Variants in INPP5F observed in about 807,000 individuals in gnomAD.
The protein encoded by INPP5F is inositol polyphosphate-5-phosphatase F, also known as phosphatidylinositide 4-phosphatase SAC2.
INPP5F carries 97 observed loss-of-function variants against 137.2 expected under a neutral mutation model. That is an observed-to-expected ratio of 0.71 (90% confidence interval 0.60 to 0.84). The LOEUF (loss-of-function observed/expected upper bound fraction) is 0.84. INPP5F is among the 40% of genes least tolerant of loss of function. The pLI is 0.00. For synonymous variants in INPP5F, 504 were observed against 476.9 expected, an observed-to-expected ratio of 1.06 and a Z score of -0.74; for missense variants, 1,271 against 1,371.9, an observed-to-expected ratio of 0.93 and a Z score of 1.16.
At chr10:119,806,651 C>T (rs1334486259) in intron 12 of INPP5F, among the ~76,000 whole-genome samples, 171 bp downstream of exon 12, 1 of 152,106 alleles carries the variant, frequency 6.6e-6, no homozygotes, top group Non-Finnish European at 1.5e-5. Context: ...CACTGAAAAT[C>T]AGTTAAATAA....
chr10:119,786,885 G>A (rs945448616), intron 3 of INPP5F, among the ~76,000 whole-genome samples: 2 of 151,940 alleles, frequency 1.3e-5, no homozygotes, highest in Non-Finnish European at 2.9e-5. Context: ...TCCAGTGAAG[G>A]TGTTTCCATG....
chr10:119,794,961 C>T (rs1450822490), intron 6 of INPP5F, among the ~76,000 whole-genome samples: 1 of 136,452 alleles, frequency 7.3e-6, no homozygotes, highest in African/African-American at 2.7e-5. Flanking sequence ...TCCTCACTTC[C>T]CAGTAGGGGT....
At chr10:119,747,285 A>G (rs1037555819) in intron 1 of INPP5F, among the ~76,000 whole-genome samples, 1 of 151,744 alleles carries the variant, frequency 6.6e-6, no homozygotes, top group Non-Finnish European at 1.5e-5. Flanking sequence ...GTGCAGTGGT[A>G]TGATCTCAGT....
chr10:119,822,296 T>G (rs1851599199), intron 16 of INPP5F, 135 bp from the exon 17 acceptor site: 2 of 496,740 alleles, frequency 4.0e-6, no homozygotes, highest in Non-Finnish European at 7.3e-6. Flanking sequence ...ATGTTTAACA[T>G]TTTACCCCAG....
At chr10:119,804,446 T>G in intron 10 of INPP5F, 149 bp downstream of exon 10, 2 of 690,074 alleles carry the variant, frequency 2.9e-6, no homozygotes, top group Middle Eastern at 2.6e-4. Context: ...TACTTTGTTT[T>G]AATTTTCATG....
In INPP5F at chr10:119,792,016, G is replaced by C; in HGVS notation, c.592G>C (p.Gly198Arg). The change falls in exon 5 of 20, where the codon GGT becomes CGT. Residue 198 changes from glycine to arginine, a missense_variant. Gly to Arg is a moderately radical substitution (Grantham distance 125). This residue lies in a region of INPP5F where 593 missense variants were observed against 712.4 expected (regional missense o/e 0.83). Transcript: ENST00000650623. ...GAGGCAGAGCACTGGGGAGAGGGAC[G>C]GTCGGCCCCTCTGGCAGAAGGTACC... ...VQRQSTGERD[G>R]RPLWQKVDDR... 2 of 1,614,200 alleles carry C rather than the reference G, an allele frequency of 1.2e-6. No homozygotes were observed. Among genetic ancestry groups the C allele is most frequent in the Non-Finnish European group, 1.7e-6 (2 of 1,180,040 alleles).
intron 2 of INPP5F, among the ~76,000 whole-genome samples, chr10:119,772,808 A>G (rs953222973): frequency 1.3e-5 from 2 of 151,990 alleles, no homozygotes; most frequent in South Asian, 2.1e-4. Context: ...CAGTGGCGCA[A>G]TCTTGGCTCA....
intron 1 of INPP5F, among the ~76,000 whole-genome samples, chr10:119,744,353 C>A (rs1848464874): frequency 6.6e-6 from 1 of 152,196 alleles, no homozygotes; most frequent in Admixed American, 6.5e-5. Flanking sequence ...GACTTTGACT[C>A]CTGTTTTTAC....
chr10:119,737,717 C>T (rs1418435450), intron 1 of INPP5F, among the ~76,000 whole-genome samples: 1 of 152,228 alleles, frequency 6.6e-6, no homozygotes, highest in Non-Finnish European at 1.5e-5. Context: ...TTATTCCTTA[C>T]CCAATTCTGA....
chr10:119,731,471 C>G (rs1209258967), intron 1 of INPP5F, among the ~76,000 whole-genome samples: 1 of 152,116 alleles, frequency 6.6e-6, no homozygotes, highest in African/African-American at 2.4e-5. Flanking sequence ...CAAGACCAGC[C>G]TAGCCAACAT....
chr10:119,728,161 A>T (rs1252023658), intron 1 of INPP5F, among the ~76,000 whole-genome samples: 1 of 152,228 alleles, frequency 6.6e-6, no homozygotes, highest in Non-Finnish European at 1.5e-5. Context: ...TTTGCACTTG[A>T]GATTGGCATA....
intron 1 of INPP5F, among the ~76,000 whole-genome samples, chr10:119,729,151 G>A (rs1847977087): frequency 6.6e-6 from 1 of 151,960 alleles, no homozygotes; most frequent in Non-Finnish European, 1.5e-5. Flanking sequence ...GGGGGAAAGG[G>A]CGGGGCGGGC....
chr10:119,820,824 C>G (rs369270025), intron 15 of INPP5F, 22 bp from the exon 16 acceptor site: 17 of 1,564,702 alleles, frequency 1.1e-5, no homozygotes, highest in Non-Finnish European at 1.3e-5. Flanking sequence ...AATACTTAAT[C>G]TCCTGTGTCA....
intron 3 of INPP5F, among the ~76,000 whole-genome samples, chr10:119,782,210 A>C (rs1173890522): frequency 6.6e-6 from 1 of 152,238 alleles, no homozygotes; most frequent in Admixed American, 6.5e-5. Context: ...TTTACAAAGA[A>C]AGTTTTTTAA....
intron 1 of INPP5F, 98 bp downstream of exon 1, chr10:119,726,457 G>A: frequency 4.9e-6 from 3 of 608,620 alleles, no homozygotes; most frequent in Non-Finnish European, 6.8e-6. Context: ...AGCCGCCTGC[G>A]GGCCTGGTGA....
At position 119,758,495 on chromosome 10, in the gene INPP5F, C is replaced by G. The variant is rs535244936; in HGVS notation, c.178+7339C>G. On this transcript the variant is annotated intron_variant, in intron 2 of 19. Coordinates refer to ENST00000650623, the MANE Select transcript of INPP5F (RefSeq NM_014937.4). The stretch of plus-strand genomic sequence containing the variant: ...CTTCACACAGACATCCAGGAAAAGA[C>G]TGCTTTAGGCTGGAGATTTAAAATA... 3.3e-5 allele frequency among the ~76,000 whole-genome samples: 5 copies of G among 152,300 alleles called. 1 individual carries two copies. The highest frequency in any genetic ancestry group is 1.2e-4 in the African/African-American group (5 of 41,554).
At chr10:119,802,558 T>C (rs1850630426) in intron 9 of INPP5F, among the ~76,000 whole-genome samples, 1 of 152,210 alleles carries the variant, frequency 6.6e-6, no homozygotes, top group Non-Finnish European at 1.5e-5. Context: ...ATGGCTGCTG[T>C]TTAATCATTT....
At chr10:119,804,399 C>A in intron 10 of INPP5F, 102 bp downstream of exon 10, 1 of 1,015,276 alleles carries the variant, frequency 9.8e-7, no homozygotes, top group Non-Finnish European at 1.4e-6. Flanking sequence ...ATAAAAATTT[C>A]TTCTCATTGT....
rs539538194 is a variant in INPP5F at position 119,780,138 on chromosome 10, G to T, written c.179-1497G>T. Among the ~76,000 whole-genome samples, 316 of 152,208 alleles carry T rather than the reference G, an allele frequency of 2.1e-3. 3 individuals carry two copies. Among genetic ancestry groups the T allele is most frequent in the African/African-American group, 7.3e-3 (304 of 41,496 alleles). ...TTTTCAGCTCCATGATAATTTTAAG[G>T]GGCCATTACTGCATATGTAGCTCAT... On this transcript the variant is annotated intron_variant, in intron 2 of 19. Transcript: ENST00000650623.
Sources: allele counts gnomAD v4.1 joint callset (sites outside exome capture counted in the v4.1 genomes callset), GRCh38; gene constraint gnomAD v4.1.1; regional missense constraint gnomAD v4.1.1; transcripts MANE v1.5; gene names NCBI Gene and HGNC (gene_info 2026-07-23, HGNC 2026-07-21).